Variants in SRRM3 observed in about 807,000 individuals in gnomAD.
SRRM3 encodes serine/arginine repetitive matrix 3.
SRRM3 carries 27 observed loss-of-function variants against 66.2 expected under a neutral mutation model. The observed-to-expected ratio is 0.41, with a 90% CI of 0.30 to 0.56. The LOEUF is 0.56. Ranked by LOEUF, SRRM3 falls within the 20% of genes least tolerant of loss-of-function variation. The pLI, the probability that SRRM3 is intolerant of heterozygous loss-of-function variation, is 0.32. For missense variants in SRRM3, 918 were observed against 991.9 expected, an observed-to-expected ratio of 0.93 and a Z score of 1.00; for synonymous variants, 391 against 414.9, an observed-to-expected ratio of 0.94 and a Z score of 0.70.
chr7:76,256,218 C>G (rs1801707748), intron 3 of SRRM3, among the ~76,000 whole-genome samples: 1 of 152,020 alleles, frequency 6.6e-6, no homozygotes, highest in African/African-American at 2.4e-5. Context: ...GAAAGAATGG[C>G]CACTCAGGCA....
chr7:76,252,822 C>A (rs1801611702), intron 3 of SRRM3, among the ~76,000 whole-genome samples: 1 of 152,124 alleles, frequency 6.6e-6, no homozygotes, highest in Admixed American at 6.6e-5. Context: ...TTCTGTAAAT[C>A]ATTAAGGGGC....
At chr7:76,280,522 G>A (rs1802467922) in intron 11 of SRRM3, among the ~76,000 whole-genome samples, 1 of 151,608 alleles carries the variant, frequency 6.6e-6, no homozygotes, top group African/African-American at 2.4e-5. Context: ...CCATCGGGGG[G>A]GCAATGCCAG....
chr7:76,263,324 GTAT>G, intron 8 of SRRM3, among the ~76,000 whole-genome samples: 1 of 152,338 alleles, frequency 6.6e-6, no homozygotes, highest in Non-Finnish European at 1.5e-5. Context: ...GTGTTCCTTA[GTAT>G]GGCTTTGTTT....
chr7:76,211,151 A>G (rs1800421635), intron 1 of SRRM3, among the ~76,000 whole-genome samples: 1 of 152,218 alleles, frequency 6.6e-6, no homozygotes, highest in Non-Finnish European at 1.5e-5. Flanking sequence ...ATGTAGCAGC[A>G]TTCCAAGGGC....
rs538608992 is a variant in SRRM3, at chr7:76,281,328, G to C, written c.1009-113G>C. The C allele has an allele frequency of 1.1e-5, 8 of 736,472 alleles. No individual in the cohort carries two copies. The East Asian group carries it at 1.9e-4, about 17-fold the overall frequency. The allele number at this position is 736,472 out of a possible 1,614,324, so 45.6% of individuals were successfully genotyped here. A position where few individuals can be genotyped will look rare whatever the true frequency, so the allele number is the denominator to read the frequency against. On this transcript the variant is annotated intron_variant, in intron 11 of 14. Transcript: ENST00000611745. ...CTTTCCTCTTTCTGTCTCTGTCTCTGTCTCTTTCTTTCAATCTCTCTCTCC... is the reference window on the plus strand; with the variant it reads ...CTTTCCTCTTTCTGTCTCTGTCTCTCTCTCTTTCTTTCAATCTCTCTCTCC...
rs868918854 is a variant in SRRM3, at chr7:76,225,447, G to A, written c.-39-9581G>A. Among the ~76,000 whole-genome samples the A allele has an allele frequency of 5.9e-5, 9 of 152,190 alleles. No individual in the cohort carries two copies. The South Asian group carries it at 1.7e-3, about 28-fold the overall frequency. On this transcript the variant is annotated intron_variant, in intron 1 of 14. Coordinates refer to ENST00000611745, the MANE Select transcript of SRRM3 (RefSeq NM_001110199.3). ...CAAGGCCAGGAAAAAAAAGCCCCTA[G>A]AGGAACGGTGCTGCCCCCCTCCCCG... is the stretch of plus-strand genomic sequence containing the variant.
chr7:76,223,407 T>G (rs1269712600), intron 1 of SRRM3, among the ~76,000 whole-genome samples: 4 of 152,232 alleles, frequency 2.6e-5, no homozygotes, highest in African/African-American at 9.6e-5. Context: ...AATATGTCCC[T>G]GTCATGGCTG....
chr7:76,203,679 A>G (rs4728603), intron 1 of SRRM3, among the ~76,000 whole-genome samples: 121,800 of 152,164 alleles, frequency 0.8, 49,539 homozygotes, highest in African/African-American at 0.95. Flanking sequence ...TAATCCTCAC[A>G]GAAGCTTCAT....
chr7:76,208,917 G>A (rs1285845746), intron 1 of SRRM3, among the ~76,000 whole-genome samples: 1 of 151,420 alleles, frequency 6.6e-6, no homozygotes, highest in Non-Finnish European at 1.5e-5. Context: ...GAGAGAGGGA[G>A]AAAGGAAGGA....
intron 3 of SRRM3, among the ~76,000 whole-genome samples, chr7:76,251,467 C>T (rs921758345): frequency 2.6e-5 from 4 of 151,992 alleles, no homozygotes; most frequent in African/African-American, 9.7e-5. Context: ...CTCCGCCTCC[C>T]GGGTTCACGC....
Position 76,281,502 on chromosome 7 carries a change from C to T in SRRM3, c.1070C>T (p.Pro357Leu). 8.2e-7 allele frequency: 1 copy of T among 1,218,382 alleles called. No homozygotes were observed. Among genetic ancestry groups the T allele is most frequent in the Non-Finnish European group, 1.0e-6 (1 of 975,868 alleles). The allele number at this position is 1,218,382 out of a possible 1,614,324, so 75.5% of individuals were successfully genotyped here. ...GCGGCGGCCGCCGCACCCACGCCGC[C>T]CGCGCGGGGGAAGGAGAGCCCGAGC... ...DKAAAAAPTP[P>L]ARGKESPSPR... is the part of the protein sequence containing the mutation. Residue 357 changes from proline (P) to leucine (L), a missense_variant, in exon 12 of 15, where the codon CCC becomes CTC. Transcript: ENST00000611745.
intron 14 of SRRM3, 124 bp downstream of exon 14, chr7:76,283,225 GGGT>G: frequency 1.7e-6 from 2 of 1,156,850 alleles, no homozygotes; most frequent in Non-Finnish European, 2.3e-6. Flanking sequence ...GGATGGGGGG[GGGT>G]GCTAAGGGAC....
At chr7:76,202,343 C>T (rs1800170827) in intron 1 of SRRM3, among the ~76,000 whole-genome samples, 1 of 152,176 alleles carries the variant, frequency 6.6e-6, no homozygotes, top group South Asian at 2.1e-4. Flanking sequence ...ATGAGGGTGC[C>T]AGGGAGGCCC....
intron 8 of SRRM3, among the ~76,000 whole-genome samples, chr7:76,262,702 G>A (rs1293865748): frequency 6.6e-6 from 1 of 152,004 alleles, no homozygotes; most frequent in East Asian, 1.9e-4. Flanking sequence ...TGTAATCCCA[G>A]CTACTTGGGA....
chr7:76,265,782 TA>T (rs1438840843), intron 10 of SRRM3, among the ~76,000 whole-genome samples: 2 of 129,198 alleles, frequency 1.5e-5, no homozygotes, highest in South Asian at 4.4e-4. Context: ...TATTTATATA[TA>T]TTTATATATT....
chr7:76,265,828 T>TTA (rs1167434051), intron 10 of SRRM3, among the ~76,000 whole-genome samples: 289 of 25,572 alleles, frequency 0.011, 15 homozygotes, highest in African/African-American at 0.019. Context: ...TAATAAATAT[T>TTA]TATATATATA....
At chr7:76,244,750 T>C (rs752982000) in intron 2 of SRRM3, among the ~76,000 whole-genome samples, 19 of 152,286 alleles carry the variant, frequency 1.2e-4, no homozygotes, top group Non-Finnish European at 2.2e-4. Context: ...TGAACCCCTA[T>C]GGTAGCGCAA....
intron 3 of SRRM3, among the ~76,000 whole-genome samples, chr7:76,255,148 C>CTTTCTTTTTTTTTTTT (rs1447372520): frequency 2.4e-5 from 2 of 83,180 alleles, no homozygotes; most frequent in South Asian, 4.4e-4. Flanking sequence ...TTCTTTCTTT[C>CTTTCTTTTTTTTTTTT]TTTTTTTTTT....
chr7:76,241,955 G>A (rs953879126), intron 2 of SRRM3, among the ~76,000 whole-genome samples: 4 of 152,140 alleles, frequency 2.6e-5, no homozygotes, highest in Non-Finnish European at 5.9e-5. Context: ...CTTGGCTCAC[G>A]GTTCTAGAGG....
Sources: allele counts gnomAD v4.1 joint callset (sites outside exome capture counted in the v4.1 genomes callset), GRCh38; gene constraint gnomAD v4.1.1; transcripts MANE v1.5; gene names NCBI Gene and HGNC (gene_info 2026-07-23, HGNC 2026-07-21).